COBL: variants seen among roughly 807,000 people sequenced by gnomAD.
The protein encoded by COBL is cordon-bleu WH2 repeat protein.
Under a neutral mutation model 98.8 loss-of-function variants are expected in COBL, and 51 were observed. The ratio of observed to expected loss-of-function variants is 0.52; its 90% CI spans 0.41 to 0.65. The LOEUF (loss-of-function observed/expected upper bound fraction) is 0.65, where lower values mean the gene tolerates loss of function less well. Ranked by LOEUF, COBL falls within the 30% of genes least tolerant of loss-of-function variation. The probability of loss-of-function intolerance (pLI) is 0.00; values close to 1 mark genes in which losing one functional copy is unlikely to be tolerated. For synonymous variants in COBL, 634 were observed against 651.7 expected (o/e 0.97, Z 0.41); for missense variants, 1,617 against 1,617.5 (o/e 1.00, Z 0.01).
At chr7:51,142,676 G>C (rs949478125) in intron 5 of COBL, among the ~76,000 whole-genome samples, 1 of 152,154 alleles carries the variant, frequency 6.6e-6, no homozygotes, top group Admixed American at 6.5e-5. Context: ...GAGCTACAGC[G>C]CCCGAGCTGG....
chr7:51,026,838 C>T (rs1787621154), intron 10 of COBL, among the ~76,000 whole-genome samples, 173 bp from the exon 11 acceptor site: 1 of 152,024 alleles, frequency 6.6e-6, no homozygotes, highest in East Asian at 1.9e-4. Context: ...GCAGAGGTTG[C>T]AGTGAGCCAA....
At chr7:51,024,946 T>A (rs1392284036) in intron 12 of COBL, among the ~76,000 whole-genome samples, 163 bp downstream of exon 12, 1 of 152,136 alleles carries the variant, frequency 6.6e-6, no homozygotes, top group Non-Finnish European at 1.5e-5. Flanking sequence ...CATCTGCCAC[T>A]CTGGTCAGCA....
intron 1 of COBL, among the ~76,000 whole-genome samples, chr7:51,279,986 A>G (rs1799668762): frequency 6.6e-6 from 1 of 152,156 alleles, no homozygotes; most frequent in Non-Finnish European, 1.5e-5. Flanking sequence ...TTGCCTGAAT[A>G]TAACAGGAAC....
At chr7:51,289,515 T>C (rs537285830) in intron 1 of COBL, among the ~76,000 whole-genome samples, 1 of 152,346 alleles carries the variant, frequency 6.6e-6, no homozygotes, top group African/African-American at 2.4e-5. Flanking sequence ...GCAGCAGGGC[T>C]CAGAGGACCT....
intron 5 of COBL, among the ~76,000 whole-genome samples, chr7:51,152,489 C>G (rs990117660): frequency 1.3e-5 from 2 of 152,166 alleles, no homozygotes; most frequent in Non-Finnish European, 2.9e-5. Flanking sequence ...TTTATAGAAA[C>G]CATCTCTGTC....
intron 5 of COBL, among the ~76,000 whole-genome samples, chr7:51,143,106 T>C (rs1485677451): frequency 6.6e-6 from 1 of 152,086 alleles, no homozygotes; most frequent in Non-Finnish European, 1.5e-5. Context: ...ATGTGCAGCA[T>C]AGTGACTGAC....
At chr7:51,149,760 C>T (rs1785385131) in intron 5 of COBL, among the ~76,000 whole-genome samples, 1 of 152,130 alleles carries the variant, frequency 6.6e-6, no homozygotes, top group African/African-American at 2.4e-5. Context: ...TGCCCACCAC[C>T]ACGCCTGGCT....
chr7:51,119,250 T>A (rs1022246950), intron 6 of COBL, among the ~76,000 whole-genome samples: 22 of 152,202 alleles, frequency 1.4e-4, no homozygotes, highest in Non-Finnish European at 3.2e-4. Flanking sequence ...ATCTAGGTTC[T>A]CATTACCATA....
intron 1 of COBL, among the ~76,000 whole-genome samples, chr7:51,304,374 A>G (rs1323635711): frequency 6.6e-6 from 1 of 152,242 alleles, no homozygotes; most frequent in Non-Finnish European, 1.5e-5. Context: ...TGACTTCCTC[A>G]TCGGTGTGAC....
intron 1 of COBL, among the ~76,000 whole-genome samples, chr7:51,309,253 C>T (rs771561546): frequency 2.5e-4 from 38 of 152,038 alleles, no homozygotes; most frequent in Non-Finnish European, 4.3e-4. Context: ...AGGTGGAGCA[C>T]GAAAGGACGG....
intron 1 of COBL, among the ~76,000 whole-genome samples, chr7:51,284,594 C>A (rs1359022432): frequency 6.6e-6 from 1 of 151,522 alleles, no homozygotes; most frequent in African/African-American, 2.4e-5. Context: ...TTTGGGAGGC[C>A]GAGGCAGGTG....
At chr7:51,110,082 C>T (rs1055092853) in intron 6 of COBL, among the ~76,000 whole-genome samples, 1 of 152,170 alleles carries the variant, frequency 6.6e-6, no homozygotes, top group African/African-American at 2.4e-5. Flanking sequence ...ATTGGGATAT[C>T]TTTAACCTCA....
chr7:51,084,169 A>G (rs546083744), intron 7 of COBL, among the ~76,000 whole-genome samples: 2 of 152,326 alleles, frequency 1.3e-5, no homozygotes, highest in East Asian at 3.9e-4. Context: ...CGAGGAACTG[A>G]CTAAGGGGAA....
At chr7:51,194,828 G>C (rs1260741972) in intron 2 of COBL, among the ~76,000 whole-genome samples, 3 of 151,544 alleles carry the variant, frequency 2.0e-5, no homozygotes, top group Non-Finnish European at 4.4e-5. Flanking sequence ...TAAGTTTTAG[G>C]GTACATGTGC....
At chr7:51,050,895 A>G (rs930328930) in intron 7 of COBL, among the ~76,000 whole-genome samples, 7 of 152,180 alleles carry the variant, frequency 4.6e-5, no homozygotes, top group Non-Finnish European at 7.3e-5. Context: ...ATAAATGTCT[A>G]AATTTCCTTT....
Position 51,027,990 on chromosome 7 carries a change from G to C in COBL, c.3106C>G (p.Leu1036Val), listed in dbSNP as rs756926554. The change falls in exon 10 of 13, where the codon CTG becomes GTG. Residue 1036 changes from leucine to valine, a missense_variant. Physicochemically the swap from Leu to Val is conservative, Grantham distance 32. This residue lies in a region of COBL where 1,304 missense variants were observed against 1,282.0 expected (regional missense o/e 1.02). Coordinates refer to ENST00000265136, the MANE Select transcript of COBL (RefSeq NM_015198.5). ...TSDTQACSRE[L>V]VNGSVRAPGH... ...GGGGCGCGCACAGAGCCATTGACCA[G>C]CTCCCTGCTGCAGGCCTGAGTGTCA... The C allele has an allele frequency of 3.1e-6, 5 of 1,603,530 alleles. No homozygotes were observed. In the Admixed American group the frequency reaches 5.1e-5, roughly 16 times the overall value.
intron 1 of COBL, among the ~76,000 whole-genome samples, chr7:51,310,193 A>G (rs1294685769): frequency 2.0e-5 from 3 of 152,210 alleles, no homozygotes; most frequent in South Asian, 4.1e-4. Context: ...AAGTGTTCAG[A>G]AGCACCTGTG....
chr7:51,167,293 A>G (rs1030750584), intron 5 of COBL, among the ~76,000 whole-genome samples: 5 of 152,228 alleles, frequency 3.3e-5, no homozygotes, highest in South Asian at 2.1e-4. Context: ...TAGCATTTCT[A>G]TATGCCAACA....
intron 1 of COBL, among the ~76,000 whole-genome samples, chr7:51,252,438 T>C (rs1001184684): frequency 6.6e-6 from 1 of 152,160 alleles, no homozygotes; most frequent in African/African-American, 2.4e-5. Flanking sequence ...TGCATCTCTA[T>C]GGATTTGCCT....
Sources: allele counts gnomAD v4.1 joint callset (sites outside exome capture counted in the v4.1 genomes callset), GRCh38; gene constraint gnomAD v4.1.1; regional missense constraint gnomAD v4.1.1; transcripts MANE v1.5; gene names NCBI Gene and HGNC (gene_info 2026-07-23, HGNC 2026-07-21).